Variants in RASSF3 observed in about 807,000 individuals in gnomAD.
RASSF3 encodes ras association domain-containing protein 3.
Under a neutral mutation model 19.9 loss-of-function variants are expected in RASSF3, and 19 were observed. That is an observed-to-expected ratio of 0.96 (90% CI 0.67 to 1.40). The LOEUF (loss-of-function observed/expected upper bound fraction) is 1.40. RASSF3 is among the 40% of genes most tolerant of loss of function. The probability of loss-of-function intolerance (pLI) is 0.00; values close to 1 mark genes in which losing one functional copy is unlikely to be tolerated. For missense variants in RASSF3, 306 were observed against 289.8 expected, an observed-to-expected ratio of 1.06 and a Z score of -0.41; for synonymous variants, 110 against 104.2, an observed-to-expected ratio of 1.06 and a Z score of -0.34.
intron 1 of RASSF3, among the ~76,000 whole-genome samples, chr12:64,536,057 G>A (rs549849858): frequency 5.1e-5 from 7 of 138,132 alleles, no homozygotes; most frequent in African/African-American, 1.9e-4. Flanking sequence ...GGAGTGCAGT[G>A]GCACAATCTC....
chr12:64,594,024 A>G (rs1228355526), intron 2 of RASSF3, among the ~76,000 whole-genome samples: 2 of 150,174 alleles, frequency 1.3e-5, no homozygotes, highest in Admixed American at 6.7e-5. Context: ...AAAAAAAAAA[A>G]AAAAAAAAAA....
At chr12:64,591,145 A>G (rs1013074165) in intron 2 of RASSF3, among the ~76,000 whole-genome samples, 1 of 152,104 alleles carries the variant, frequency 6.6e-6, no homozygotes, top group African/African-American at 2.4e-5. Flanking sequence ...TGGAGTTATT[A>G]AAAGTGGGCA....
chr12:64,613,347 ATT>A (rs372033341), intron 1 of RASSF3, among the ~76,000 whole-genome samples: 7 of 145,460 alleles, frequency 4.8e-5, no homozygotes, highest in Non-Finnish European at 4.5e-5. Flanking sequence ...AGATACAGTG[ATT>A]TTTTTTTTTT....
At chr12:64,674,365 G>A (rs1003794064) in intron 1 of RASSF3, among the ~76,000 whole-genome samples, 1 of 152,184 alleles carries the variant, frequency 6.6e-6, no homozygotes, top group Admixed American at 6.5e-5. Context: ...CAGGAATGGA[G>A]CCCTCTTCTA....
At chr12:64,511,938 T>C (rs1387372026) in intron 1 of RASSF3, among the ~76,000 whole-genome samples, 3 of 152,106 alleles carry the variant, frequency 2.0e-5, no homozygotes, top group Non-Finnish European at 4.4e-5. Flanking sequence ...GTTTTATCAG[T>C]TAATGAGATC....
intron 1 of RASSF3, among the ~76,000 whole-genome samples, chr12:64,662,325 G>A (rs186977723): frequency 1.9e-3 from 289 of 152,258 alleles, no homozygotes; most frequent in Admixed American, 3.4e-3. Context: ...GGAGGCTAAG[G>A]TGGGAGGATC....
At chr12:64,666,057 A>G (rs189672404) in intron 1 of RASSF3, among the ~76,000 whole-genome samples, 19 of 152,390 alleles carry the variant, frequency 1.2e-4, no homozygotes, top group Non-Finnish European at 2.2e-4. Flanking sequence ...TTAGAAAGTA[A>G]TGAAAGGAAA....
At chr12:64,660,048 G>A (rs992995730) in intron 1 of RASSF3, among the ~76,000 whole-genome samples, 1 of 101,988 alleles carries the variant, frequency 9.8e-6, no homozygotes, top group Non-Finnish European at 2.0e-5. Flanking sequence ...ATATGTGTGT[G>A]TATGTATATA....
chr12:64,515,101 G>A (rs1166258621), intron 1 of RASSF3, among the ~76,000 whole-genome samples: 1 of 151,466 alleles, frequency 6.6e-6, no homozygotes, highest in Non-Finnish European at 1.5e-5. Flanking sequence ...GTTTCACCCA[G>A]GATGGAGTGC....
intron 1 of RASSF3, among the ~76,000 whole-genome samples, chr12:64,680,145 C>T (rs1334903162): frequency 1.3e-5 from 2 of 152,100 alleles, no homozygotes; most frequent in African/African-American, 4.8e-5. Context: ...GGTTCTGATT[C>T]ATAATCATTG....
intron 1 of RASSF3, among the ~76,000 whole-genome samples, chr12:64,620,037 T>TGTGTGTGTGTGTGTGTGTGTG (rs1565851666): frequency 2.0e-5 from 3 of 148,752 alleles, no homozygotes; most frequent in African/African-American, 7.4e-5. Context: ...TGTGTGTGTG[T>TGTGTGTGTGTGTGTGTGTGTG]AGTTTTCTGA....
chr12:64,665,613 T>C (rs1872519317), intron 1 of RASSF3, among the ~76,000 whole-genome samples: 2 of 152,056 alleles, frequency 1.3e-5, no homozygotes, highest in Admixed American at 6.6e-5. Context: ...CACCTGGAAA[T>C]TACCACCCCT....
chr12:64,527,926 C>T (rs561497195), intron 1 of RASSF3, among the ~76,000 whole-genome samples: 6 of 151,750 alleles, frequency 4.0e-5, no homozygotes, highest in African/African-American at 1.5e-4. Context: ...CAAAGCGACA[C>T]TCTGTCTCAA....
chr12:64,577,786 G>C (rs1450760462), intron 2 of RASSF3, among the ~76,000 whole-genome samples: 1 of 152,128 alleles, frequency 6.6e-6, no homozygotes, highest in Non-Finnish European at 1.5e-5. Flanking sequence ...TATGTTGTCA[G>C]ACATTGAATT....
At chr12:64,683,291 C>T (rs1010529814) in intron 1 of RASSF3, among the ~76,000 whole-genome samples, 2 of 152,102 alleles carry the variant, frequency 1.3e-5, no homozygotes, top group African/African-American at 4.8e-5. Context: ...AAAGGCAATA[C>T]AAGTTTGGTG....
intron 1 of RASSF3, among the ~76,000 whole-genome samples, chr12:64,647,756 C>G (rs1016669684): frequency 3.3e-5 from 5 of 151,552 alleles, no homozygotes; most frequent in African/African-American, 9.7e-5. Flanking sequence ...TGCCCTGTTG[C>G]CCAGGATGGT....
At chr12:64,555,180 G>T (rs1049204686) in intron 2 of RASSF3, among the ~76,000 whole-genome samples, 8 of 151,742 alleles carry the variant, frequency 5.3e-5, no homozygotes, top group African/African-American at 1.7e-4. Flanking sequence ...GGAGATGGAG[G>T]TTACAGTGAG....
chr12:64,681,634 C>G (rs1873131119), intron 1 of RASSF3, among the ~76,000 whole-genome samples: 1 of 152,180 alleles, frequency 6.6e-6, no homozygotes, highest in African/African-American at 2.4e-5. Context: ...CCAAGACTAC[C>G]TCATTTTCTT....
At chr12:64,636,814 G>A (rs1871342857) in intron 1 of RASSF3, among the ~76,000 whole-genome samples, 1 of 142,352 alleles carries the variant, frequency 7.0e-6, no homozygotes, top group African/African-American at 2.6e-5. Flanking sequence ...TGCAGTGAGC[G>A]AAATCGCGCC....
Sources: allele counts gnomAD v4.1 joint callset (sites outside exome capture counted in the v4.1 genomes callset), GRCh38; gene constraint gnomAD v4.1.1; transcripts MANE v1.5; gene names NCBI Gene and HGNC (gene_info 2026-07-23, HGNC 2026-07-21).